Variants in METTL25 observed in about 807,000 individuals in gnomAD.
The protein encoded by METTL25 is probable methyltransferase-like protein 25.
METTL25 carries 64 observed loss-of-function variants against 71.6 expected under a neutral mutation model. The ratio of observed to expected loss-of-function variants is 0.89; its 90% CI spans 0.73 to 1.10. The LOEUF (loss-of-function observed/expected upper bound fraction) is 1.10. METTL25 is among the 50% of genes least tolerant of loss of function. The pLI is 0.00. For synonymous variants in METTL25, 287 were observed against 250.3 expected (o/e 1.15, Z -1.38); for missense variants, 807 against 707.0 (o/e 1.14, Z -1.60).
chr12:82,401,993 A>G (rs1010658943), intron 4 of METTL25, among the ~76,000 whole-genome samples: 2 of 151,930 alleles, frequency 1.3e-5, no homozygotes, highest in African/African-American at 4.8e-5. Context: ...CTAAATTTTT[A>G]TGAGTCATGT....
chr12:82,452,737 T>A (rs1891233470), intron 8 of METTL25, among the ~76,000 whole-genome samples: 1 of 152,182 alleles, frequency 6.6e-6, no homozygotes, highest in African/African-American at 2.4e-5. Flanking sequence ...TCAAAGGTTC[T>A]AAAGTCTGAT....
chr12:82,384,811 T>C (rs928448092), intron 1 of METTL25, among the ~76,000 whole-genome samples: 3 of 152,158 alleles, frequency 2.0e-5, no homozygotes, highest in African/African-American at 7.2e-5. Context: ...TTCTTTCTTT[T>C]GGCAACATTG....
intron 5 of METTL25, among the ~76,000 whole-genome samples, chr12:82,406,012 A>C (rs1404719650): frequency 6.6e-6 from 1 of 152,208 alleles, no homozygotes; most frequent in Non-Finnish European, 1.5e-5. Flanking sequence ...TTTTCAAGGC[A>C]CTGTAGTTGG....
At position 82,392,538 on chromosome 12, in the gene METTL25, C is replaced by T. The variant is rs114101974; in HGVS notation, c.531+2616C>T. Among the ~76,000 whole-genome samples the T allele has an allele frequency of 3.0e-3, 450 of 152,064 alleles. 4 individuals are homozygous for T. Among genetic ancestry groups the T allele is most frequent in the African/African-American group, 0.01 (422 of 41,484 alleles). On this transcript the variant is annotated intron_variant, in intron 3 of 11. Coordinates refer to ENST00000248306, the MANE Select transcript of METTL25 (RefSeq NM_032230.3). ...TGTATTCTGGTTGTTGATCCCTTGTCGAATGGGTAGTTTGCACATGTTTTC... is the reference window on the plus strand; with the variant it reads ...TGTATTCTGGTTGTTGATCCCTTGTTGAATGGGTAGTTTGCACATGTTTTC...
chr12:82,378,611 A>G (rs1884121790), intron 1 of METTL25, among the ~76,000 whole-genome samples: 2 of 152,250 alleles, frequency 1.3e-5, no homozygotes, highest in South Asian at 4.1e-4. Flanking sequence ...AAAGAAAAAT[A>G]CAGTTTTAAG....
intron 7 of METTL25, among the ~76,000 whole-genome samples, chr12:82,435,402 AT>A (rs2137167845): frequency 6.6e-6 from 1 of 151,604 alleles, no homozygotes; most frequent in Non-Finnish European, 1.5e-5. Context: ...AACAAGTATC[AT>A]TTACTGAGTG....
chr12:82,433,084 T>C (rs1047844849), intron 6 of METTL25, among the ~76,000 whole-genome samples: 1 of 151,658 alleles, frequency 6.6e-6, no homozygotes, highest in Non-Finnish European at 1.5e-5. Context: ...AGAATAGTAT[T>C]AATGTTTGCA....
chr12:82,409,325 GTGTC>G (rs1444423657), intron 5 of METTL25, among the ~76,000 whole-genome samples: 1 of 152,066 alleles, frequency 6.6e-6, no homozygotes, highest in Admixed American at 6.6e-5. Flanking sequence ...CCTTTATAGA[GTGTC>G]TGTTTGGCCA....
chr12:82,403,823 A>G (rs761634023), intron 5 of METTL25, among the ~76,000 whole-genome samples: 1 of 152,178 alleles, frequency 6.6e-6, no homozygotes, highest in Non-Finnish European at 1.5e-5. Context: ...CTGCTGGTTC[A>G]GATTAGATGG....
intron 9 of METTL25, among the ~76,000 whole-genome samples, chr12:82,461,617 G>A (rs540539474): frequency 1.6e-4 from 24 of 150,670 alleles, no homozygotes; most frequent in African/African-American, 5.4e-4. Flanking sequence ...ATAAACCTAC[G>A]AGAAAAAAAA....
At chr12:82,424,406 G>A (rs543399053) in intron 5 of METTL25, among the ~76,000 whole-genome samples, 1 of 152,194 alleles carries the variant, frequency 6.6e-6, no homozygotes, top group African/African-American at 2.4e-5. Context: ...GAAGGGGGGA[G>A]GGATAGCATT....
At chr12:82,463,971 A>G (rs1341963614) in intron 9 of METTL25, among the ~76,000 whole-genome samples, 2 of 151,440 alleles carry the variant, frequency 1.3e-5, no homozygotes, top group Non-Finnish European at 3.0e-5. Flanking sequence ...TTGTTTTGCT[A>G]TTGAGATATT....
intron 1 of METTL25, among the ~76,000 whole-genome samples, chr12:82,370,775 T>C (rs1883145488): frequency 6.6e-6 from 1 of 152,184 alleles, no homozygotes; most frequent in Non-Finnish European, 1.5e-5. Context: ...TCTTTGTCTC[T>C]TCCTCCCTCT....
At chr12:82,373,136 T>C (rs1883448036) in intron 1 of METTL25, among the ~76,000 whole-genome samples, 1 of 152,164 alleles carries the variant, frequency 6.6e-6, no homozygotes, top group Non-Finnish European at 1.5e-5. Flanking sequence ...TCCTAAGCGT[T>C]CTCCTGTTAG....
At chr12:82,388,464 A>G (rs1025180443) in intron 2 of METTL25, among the ~76,000 whole-genome samples, 1 of 152,062 alleles carries the variant, frequency 6.6e-6, no homozygotes, top group Non-Finnish European at 1.5e-5. Context: ...TGGGGGCTGT[A>G]GTCGACTGGC....
rs566781632 is a variant in METTL25, at chr12:82,391,652, C to T, written c.531+1730C>T. On this transcript the variant is annotated intron_variant, in intron 3 of 11. Coordinates refer to ENST00000248306, the MANE Select transcript of METTL25 (RefSeq NM_032230.3). ...CATTGATGGACACTTAGGTTGTTTC[C>T]GTATTTTGGCTATTATGAATAGTGT... Among the ~76,000 whole-genome samples the T allele has an allele frequency of 4.7e-5, 7 of 150,238 alleles. No individual in the cohort carries two copies. The South Asian group carries it at 6.4e-4, about 14-fold the overall frequency.
chr12:82,393,676 G>A (rs1474472156), intron 3 of METTL25, among the ~76,000 whole-genome samples: 1 of 151,878 alleles, frequency 6.6e-6, no homozygotes, highest in African/African-American at 2.4e-5. Flanking sequence ...AATGGTGAAA[G>A]TGGGCATTCT....
At chr12:82,460,453 A>G (rs749427857) in intron 9 of METTL25, among the ~76,000 whole-genome samples, 3 of 152,202 alleles carry the variant, frequency 2.0e-5, no homozygotes, top group Non-Finnish European at 4.4e-5. Context: ...GAACCTGACA[A>G]ACAGAATCTC....
rs149274911 is a variant in METTL25, at chr12:82,418,785, T to TGG, written c.1280-12107_1280-12106insGG. The stretch of plus-strand genomic sequence containing the variant: ...TAAATGAATCCATCATAAGGACTAT[T>TGG]GTGAAAAAGAAAAGAAAATTAGGGA... On this transcript the variant is annotated intron_variant, in intron 5 of 11. Transcript: ENST00000248306. 3.6e-3 allele frequency among the ~76,000 whole-genome samples: 544 copies of TGG among 152,204 alleles called. 3 individuals carry two copies. The highest frequency in any genetic ancestry group is 6.1e-3 in the Non-Finnish European group (416 of 67,988).
Sources: gnomAD v4.1 joint callset for allele counts (sites outside exome capture counted in the v4.1 genomes callset) on GRCh38, gnomAD v4.1.1 for gene constraint, MANE v1.5 for transcripts, NCBI Gene and HGNC (gene_info 2026-07-23, HGNC 2026-07-21) for gene names.